The following PLEKHG1 variants were observed in gnomAD, a reference collection of about 807,000 sequenced individuals.
PLEKHG1 encodes the protein pleckstrin homology domain-containing family G member 1.
In PLEKHG1, 44 loss-of-function variants were observed where a neutral mutation model predicts 100.8. The ratio of observed to expected loss-of-function variants is 0.44; its 90% CI spans 0.34 to 0.56. The LOEUF is 0.56. PLEKHG1 is among the 20% of genes least tolerant of loss of function. The pLI, the probability that PLEKHG1 is intolerant of heterozygous loss-of-function variation, is 0.01. For missense variants in PLEKHG1, 1,545 were observed against 1,720.9 expected, an observed-to-expected ratio of 0.90 and a Z score of 1.81; for synonymous variants, 640 against 662.5, an observed-to-expected ratio of 0.97 and a Z score of 0.52.
In PLEKHG1 at chr6:150,701,437, ATATATATATATATATATATATATATATAT is replaced by A. The variant is rs1460683937; in HGVS notation, c.-98-32146_-98-32118del. Among the ~76,000 whole-genome samples, 457 of 67,740 alleles carry A rather than the reference ATATATATATATATATATATATATATATAT, an allele frequency of 6.7e-3. 11 individuals are homozygous for A. The highest frequency in any genetic ancestry group is 0.06 in the African/African-American group (436 of 7,260). The allele number at this position is 67,740 out of a possible 152,430, so 44.4% of individuals were successfully genotyped here. The stretch of plus-strand genomic sequence containing the variant: ...ATTCTTTATATATATATATATATAT[ATATATATATATATATATATATATATATAT>A]AATTATACTTTAAGTTCTAGGGTAC... On this transcript the variant is annotated intron_variant, in intron 3 of 3. Coordinates refer to the PLEKHG1 transcript ENST00000367326.
At chr6:150,799,589 G>A (rs1019887813) in intron 5 of PLEKHG1, among the ~76,000 whole-genome samples, 2 of 152,164 alleles carry the variant, frequency 1.3e-5, no homozygotes, top group African/African-American at 4.8e-5. Flanking sequence ...CAGAGCAGCC[G>A]ATTCTGACTC....
At chr6:150,709,976 T>TG (rs547436187) in intron 3 of PLEKHG1, among the ~76,000 whole-genome samples, 179 of 152,160 alleles carry the variant, frequency 1.2e-3, no homozygotes, top group Middle Eastern at 0.01. Context: ...TTTGTAGAGA[T>TG]GGGGTCTCAC....
At chr6:150,734,486 C>T (rs550729808) in intron 2 of PLEKHG1, among the ~76,000 whole-genome samples, 49 of 152,278 alleles carry the variant, frequency 3.2e-4, no homozygotes, top group African/African-American at 1.1e-3. Context: ...AATCACCACT[C>T]GCTACTGGCA....
chr6:150,797,425 A>C (rs1446615804), intron 5 of PLEKHG1, among the ~76,000 whole-genome samples: 2 of 152,080 alleles, frequency 1.3e-5, no homozygotes, highest in East Asian at 3.9e-4. Context: ...TCCTAGAGCT[A>C]CTCAAGAGGC....
intron 4 of PLEKHG1, among the ~76,000 whole-genome samples, chr6:150,788,245 G>C (rs1286308761): frequency 6.6e-6 from 1 of 152,250 alleles, no homozygotes; most frequent in East Asian, 1.9e-4. Context: ...AATCCTGAGG[G>C]AGTGCTGGGC....
intron 10 of PLEKHG1, among the ~76,000 whole-genome samples, chr6:150,813,858 A>G (rs1787697047): frequency 6.6e-6 from 1 of 152,136 alleles, no homozygotes; most frequent in African/African-American, 2.4e-5. Flanking sequence ...GATTATTCAC[A>G]TGGATGGTGA....
chr6:150,760,484 A>G (rs9383543), intron 2 of PLEKHG1, among the ~76,000 whole-genome samples: 55,795 of 152,078 alleles, frequency 0.37, 12,547 homozygotes, highest in African/African-American at 0.62. Context: ...TATCTAGTGA[A>G]TGCCCACAGC....
chr6:150,723,911 A>C (rs1324122235), intron 1 of PLEKHG1, among the ~76,000 whole-genome samples: 1 of 152,208 alleles, frequency 6.6e-6, no homozygotes, highest in African/African-American at 2.4e-5. Flanking sequence ...GGGTCATCTG[A>C]AAGGCTTCTC....
Position 150,663,553 on chromosome 6 carries a change from CTCTT to C in PLEKHG1, c.-99+12769_-99+12772del, listed in dbSNP as rs1409959792. The C allele has an allele frequency of 3.8e-3, 532 of 140,320 alleles. 1 individual carries two copies. Among genetic ancestry groups the C allele is most frequent in the Non-Finnish European group, 6.1e-3 (394 of 64,570 alleles). 8.7% of individuals were successfully genotyped at this position (140,320 alleles called of 1,614,324 possible). A position where few individuals can be genotyped will look rare whatever the true frequency, so the allele number is the denominator to read the frequency against. On this transcript the variant is annotated intron_variant, in intron 3 of 3. Transcript: ENST00000367326. ...CACTTTCTTTTCTCTCTCTCTCTCTCTCTTTTTTTTTTTTTTTTGAGATGGAGTC... is the reference window on the plus strand; with the variant it reads ...CACTTTCTTTTCTCTCTCTCTCTCTCTTTTTTTTTTTTTTGAGATGGAGTC...
intron 2 of PLEKHG1, among the ~76,000 whole-genome samples, chr6:150,756,586 C>T (rs1292747927): frequency 1.3e-5 from 2 of 152,090 alleles, no homozygotes; most frequent in Admixed American, 6.5e-5. Context: ...CATTGCATCG[C>T]GACTTTCAAG....
At position 150,831,899 on chromosome 6, in the gene PLEKHG1, A is replaced by T; in HGVS notation, c.2788A>T (p.Ser930Cys). The T allele has an allele frequency of 6.2e-7, 1 of 1,614,032 alleles. No individual in the cohort carries two copies. Among genetic ancestry groups the T allele is most frequent in the Non-Finnish European group, 8.5e-7 (1 of 1,179,932 alleles). ...GATTTCTAAAGAAGGCTCCTTTATG[A>T]GCCTTAACCGGCTTTCTCTGGCTAG... The change falls in exon 15 of 16, where the codon AGC becomes TGC. Residue 930 changes from serine (S) to cysteine (C), a missense_variant. Ser to Cys is a moderately radical substitution (Grantham distance 112). Coordinates refer to ENST00000358517, the Ensembl canonical transcript of PLEKHG1. The surrounding 1 kb of genome is among the most constrained non-coding windows in gnomAD (Gnocchi z 4.1).
At chr6:150,770,288 T>C (rs1223082670) in intron 3 of PLEKHG1, among the ~76,000 whole-genome samples, 3 of 152,166 alleles carry the variant, frequency 2.0e-5, no homozygotes, top group African/African-American at 7.2e-5. Context: ...CACATATCCT[T>C]TGCCATCCTT....
At chr6:150,769,370 T>C (rs190417761) in intron 3 of PLEKHG1, among the ~76,000 whole-genome samples, 135 of 151,790 alleles carry the variant, frequency 8.9e-4, no homozygotes, top group Middle Eastern at 3.4e-3. Context: ...TCACTTGAGG[T>C]TAGGAGTTCG....
At chr6:150,751,235 T>C (rs1783493401) in intron 2 of PLEKHG1, among the ~76,000 whole-genome samples, 1 of 151,998 alleles carries the variant, frequency 6.6e-6, no homozygotes. Context: ...TTGGAATTCA[T>C]TTCCACTGTA....
chr6:150,674,830 C>T (rs1176196893), intron 3 of PLEKHG1, among the ~76,000 whole-genome samples: 1 of 151,896 alleles, frequency 6.6e-6, no homozygotes, highest in African/African-American at 2.4e-5. Context: ...TTACAGGCAC[C>T]TACCACCATG....
At chr6:150,815,674 A>G (rs73009570) in intron 10 of PLEKHG1, among the ~76,000 whole-genome samples, 206 of 152,248 alleles carry the variant, frequency 1.4e-3, no homozygotes, top group Non-Finnish European at 1.9e-3. Context: ...GACTGTGTTG[A>G]GGCTCCCCCA....
intron 4 of PLEKHG1, among the ~76,000 whole-genome samples, chr6:150,794,149 G>A (rs1425026867): frequency 6.6e-6 from 1 of 152,142 alleles, no homozygotes; most frequent in Non-Finnish European, 1.5e-5. Flanking sequence ...GCCGCACAGT[G>A]TGGTTTCTTC....
chr6:150,780,747 G>A (rs772212495), intron 3 of PLEKHG1, among the ~76,000 whole-genome samples: 5 of 152,048 alleles, frequency 3.3e-5, no homozygotes, highest in Non-Finnish European at 7.3e-5. Context: ...GCATTCCTAC[G>A]CATGATGTTA....
intron 1 of PLEKHG1, among the ~76,000 whole-genome samples, chr6:150,626,250 G>A (rs528934445): frequency 8.3e-4 from 126 of 152,236 alleles, no homozygotes; most frequent in Admixed American, 1.4e-3. Flanking sequence ...TTTTGTTTCC[G>A]TTAAGGAATA....
Sources: gnomAD v4.1 joint callset for allele counts (sites outside exome capture counted in the v4.1 genomes callset) on GRCh38, gnomAD v4.1.1 for gene constraint, Gnocchi (gnomAD v3.1) non-coding constraint, MANE v1.5 for transcripts, NCBI Gene and HGNC (gene_info 2026-07-23, HGNC 2026-07-21) for gene names.